Variants in DGKG observed in about 807,000 individuals in gnomAD.
DGKG encodes the protein diacylglycerol kinase gamma.
In DGKG, 78 loss-of-function variants were observed where a neutral mutation model predicts 105.3. The ratio of observed to expected loss-of-function variants is 0.74; its 90% CI spans 0.62 to 0.89. DGKG has a LOEUF of 0.89. Ranked by LOEUF, DGKG falls within the 40% of genes least tolerant of loss-of-function variation. DGKG has a pLI of 0.00. For synonymous variants in DGKG, 346 were observed against 367.1 expected (o/e 0.94, Z 0.66); for missense variants, 958 against 1,020.1 (o/e 0.94, Z 0.83).
At chr3:186,338,286 C>T (rs187709875) in intron 1 of DGKG, among the ~76,000 whole-genome samples, 1 of 151,660 alleles carries the variant, frequency 6.6e-6, no homozygotes, top group African/African-American at 2.4e-5. Flanking sequence ...GCATTTGTAG[C>T]AGGACAATAG....
intron 2 of DGKG, among the ~76,000 whole-genome samples, chr3:186,316,539 C>T (rs963614294): frequency 2.6e-5 from 4 of 152,146 alleles, no homozygotes; most frequent in African/African-American, 9.7e-5. Flanking sequence ...ATCACATTAG[C>T]TCTTTTGATA....
At chr3:186,160,382 T>C in intron 24 of DGKG, 2 of 985,352 alleles carry the variant, frequency 2.0e-6, no homozygotes, top group Non-Finnish European at 2.4e-6. Flanking sequence ...GATAGATTCT[T>C]CTCAACTCAG....
intron 22 of DGKG, among the ~76,000 whole-genome samples, chr3:186,176,690 A>G (rs572384471): frequency 7.9e-5 from 12 of 152,202 alleles, no homozygotes; most frequent in Non-Finnish European, 1.6e-4. Flanking sequence ...TTTCTAATCT[A>G]TAAAATATTC....
chr3:186,241,208 G>T (rs899169948), intron 20 of DGKG, among the ~76,000 whole-genome samples: 1 of 152,076 alleles, frequency 6.6e-6, no homozygotes, highest in Admixed American at 6.6e-5. Context: ...AATGAAAATG[G>T]CCAGTGATGA....
chr3:186,252,304 G>A (rs1721265194), intron 18 of DGKG, among the ~76,000 whole-genome samples: 1 of 152,240 alleles, frequency 6.6e-6, no homozygotes. Context: ...GCTAGGCCTA[G>A]GTCCTGCTTG....
At chr3:186,225,820 A>T (rs76160541) in intron 20 of DGKG, among the ~76,000 whole-genome samples, 1 of 152,322 alleles carries the variant, frequency 6.6e-6, no homozygotes, top group East Asian at 1.9e-4. Context: ...CGATGCTTCA[A>T]AAGTGTCTCC....
At chr3:186,204,459 C>T (rs1718625837) in intron 21 of DGKG, among the ~76,000 whole-genome samples, 1 of 152,104 alleles carries the variant, frequency 6.6e-6, no homozygotes, top group Admixed American at 6.5e-5. Flanking sequence ...CTAAAGGTAT[C>T]TGCCCAATCT....
chr3:186,186,763 G>A lies in DGKG; in HGVS notation c.2095+1439C>T, dbSNP rs550581312. On this transcript the variant is annotated intron_variant, in intron 22 of 24. Transcript: ENST00000265022. ...CCATTGAGGACCTGTGAGGACCCGTGAGCCCACAGGGGAATCAGCTGCCAG... is the reference window on the plus strand; with the variant it reads ...CCATTGAGGACCTGTGAGGACCCGTAAGCCCACAGGGGAATCAGCTGCCAG... Among the ~76,000 whole-genome samples, 5 of 152,202 alleles carry A rather than the reference G, an allele frequency of 3.3e-5. No individual in the cohort carries two copies. In the South Asian group the frequency reaches 1.0e-3, roughly 32 times the overall value.
At chr3:186,208,722 C>T (rs981595726) in intron 21 of DGKG, among the ~76,000 whole-genome samples, 4 of 152,230 alleles carry the variant, frequency 2.6e-5, no homozygotes, top group Non-Finnish European at 4.4e-5. Flanking sequence ...ACTGAGTCTT[C>T]TGTTCTTTGC....
At chr3:186,244,353 T>C (rs951245704) in intron 19 of DGKG, among the ~76,000 whole-genome samples, 7 of 152,166 alleles carry the variant, frequency 4.6e-5, no homozygotes, top group South Asian at 2.1e-4. Flanking sequence ...TTGGCAAACA[T>C]TCTTTGCTAA....
At chr3:186,189,738 C>T (rs938168016) in intron 21 of DGKG, among the ~76,000 whole-genome samples, 12 of 152,250 alleles carry the variant, frequency 7.9e-5, no homozygotes, top group African/African-American at 2.6e-4. Context: ...TATCTTGTTT[C>T]CCCAACTACA....
At chr3:186,188,458 G>T in intron 21 of DGKG, 79 bp from the exon 22 acceptor site, 2 of 205,324 alleles carry the variant, frequency 9.7e-6, no homozygotes, top group Non-Finnish European at 1.7e-5. Context: ...GTGTGCGTGC[G>T]TGTGTGTGTG....
intron 3 of DGKG, among the ~76,000 whole-genome samples, chr3:186,302,460 CTATATATATATATATATATATATATA>C (rs58937810): frequency 1.0e-4 from 5 of 48,790 alleles, no homozygotes; most frequent in Non-Finnish European, 2.1e-4. Flanking sequence ...GGGAAATGTG[CTATATATATATATATATATATATATA>C]TATATATATA....
At chr3:186,263,991 C>G (rs1333368241) in intron 14 of DGKG, among the ~76,000 whole-genome samples, 1 of 152,176 alleles carries the variant, frequency 6.6e-6, no homozygotes, top group Non-Finnish European at 1.5e-5. Context: ...TATGTGATGC[C>G]CAGAAGCATC....
intron 6 of DGKG, among the ~76,000 whole-genome samples, chr3:186,287,690 T>C (rs570068708): frequency 6.6e-6 from 1 of 152,350 alleles, no homozygotes; most frequent in African/African-American, 2.4e-5. Flanking sequence ...TCTGCTACAT[T>C]TGCCACCAAA....
At chr3:186,258,506 C>A (rs1480762296) in intron 16 of DGKG, among the ~76,000 whole-genome samples, 2 of 152,200 alleles carry the variant, frequency 1.3e-5, no homozygotes, top group Non-Finnish European at 2.9e-5. Flanking sequence ...GAAAATAATA[C>A]ATTCTTATTT....
chr3:186,214,863 G>A (rs769380028), intron 20 of DGKG, among the ~76,000 whole-genome samples: 10 of 152,216 alleles, frequency 6.6e-5, no homozygotes, highest in Non-Finnish European at 1.5e-4. Flanking sequence ...AGTGTGGTTG[G>A]CCAAGAACCA....
At position 186,148,547 on chromosome 3, in the gene DGKG, C is replaced by A; in HGVS notation, c.*1543G>T. ...GGCAACCTGGATCCAAGTGGACTCA[C>A]TTTTCAGTGACCAGAAATGACCCTA... On this transcript the variant is annotated 3_prime_UTR_variant, in exon 25 of 25. Transcript: ENST00000265022. 1.0e-6 allele frequency: 1 copy of A among 985,416 alleles called. No individual in the cohort carries two copies. Among genetic ancestry groups the A allele is most frequent in the Non-Finnish European group, 1.2e-6 (1 of 829,940 alleles). The allele number at this position is 985,416 out of a possible 1,614,324, so 61.0% of individuals were successfully genotyped here.
chr3:186,302,540 A>ATATATATATATATACATATG (rs1560143825), intron 3 of DGKG, among the ~76,000 whole-genome samples: 1 of 27,486 alleles, frequency 3.6e-5, no homozygotes, highest in African/African-American at 1.2e-4. Context: ...ATACATATGT[A>ATATATATATATATACATATG]TATATATATA....
Sources: gnomAD v4.1 joint callset for allele counts (sites outside exome capture counted in the v4.1 genomes callset) on GRCh38, gnomAD v4.1.1 for gene constraint, MANE v1.5 for transcripts, NCBI Gene and HGNC (gene_info 2026-07-23, HGNC 2026-07-21) for gene names.